GPC6: variants seen among roughly 807,000 people sequenced by gnomAD.
GPC6 encodes the protein glypican 6, also known as glypican-6.
GPC6 carries 14 observed loss-of-function variants against 55.2 expected under a neutral mutation model. The ratio of observed to expected loss-of-function variants is 0.25; its 90% CI spans 0.17 to 0.40. The LOEUF is 0.40. GPC6 is among the 10% of genes least tolerant of loss of function. GPC6 has a pLI of 1.00. For synonymous variants in GPC6, 278 were observed against 259.6 expected, an observed-to-expected ratio of 1.07 and a Z score of -0.68; for missense variants, 641 against 708.5, an observed-to-expected ratio of 0.90 and a Z score of 1.08.
intron 7 of GPC6, among the ~76,000 whole-genome samples, chr13:94,386,628 T>A (rs1880424420): frequency 6.6e-6 from 1 of 152,154 alleles, no homozygotes; most frequent in Admixed American, 6.5e-5. Flanking sequence ...AATAATTTTT[T>A]TAAAAAATCC....
chr13:93,777,797 G>A (rs1450012080), intron 2 of GPC6, among the ~76,000 whole-genome samples: 1 of 152,100 alleles, frequency 6.6e-6, no homozygotes, highest in Admixed American at 6.6e-5. Flanking sequence ...TATACATTAT[G>A]TCTACATCTG....
intron 3 of GPC6, among the ~76,000 whole-genome samples, chr13:93,891,095 T>A (rs913054903): frequency 2.0e-5 from 3 of 152,118 alleles, no homozygotes; most frequent in African/African-American, 7.2e-5. Context: ...TATTAACAAC[T>A]TTTTAAAAAA....
intron 6 of GPC6, among the ~76,000 whole-genome samples, chr13:94,350,844 G>C (rs1878503943): frequency 6.6e-6 from 1 of 152,144 alleles, no homozygotes; most frequent in Admixed American, 6.5e-5. Flanking sequence ...AGAGAGCACA[G>C]TGGGAATATC....
chr13:94,057,999 G>T (rs1294553696), intron 4 of GPC6, among the ~76,000 whole-genome samples: 1 of 152,102 alleles, frequency 6.6e-6, no homozygotes, highest in Non-Finnish European at 1.5e-5. Flanking sequence ...ACCCTGTAAG[G>T]GAAGTTTAAT....
chr13:93,284,045 G>A (rs1878034334), intron 1 of GPC6, among the ~76,000 whole-genome samples: 1 of 152,194 alleles, frequency 6.6e-6, no homozygotes, highest in South Asian at 2.1e-4. Flanking sequence ...TGTATTGAAT[G>A]TTGTTAGTTT....
intron 4 of GPC6, among the ~76,000 whole-genome samples, chr13:94,160,293 C>T (rs1888111850): frequency 6.6e-6 from 1 of 152,190 alleles, no homozygotes; most frequent in African/African-American, 2.4e-5. Context: ...TTGGTGCTCT[C>T]TGCAGTTTCA....
chr13:93,388,059 C>T (rs978809537), intron 1 of GPC6, among the ~76,000 whole-genome samples: 1 of 152,130 alleles, frequency 6.6e-6, no homozygotes, highest in African/African-American at 2.4e-5. Context: ...AATCCTGTAT[C>T]ACAACAGGTC....
intron 2 of GPC6, among the ~76,000 whole-genome samples, chr13:93,662,666 CTT>C (rs891876709): frequency 6.6e-6 from 1 of 151,598 alleles, no homozygotes; most frequent in African/African-American, 2.4e-5. Flanking sequence ...AAAAAAAAAA[CTT>C]CTACATTTCA....
At chr13:94,265,101 C>T (rs1891760533) in intron 4 of GPC6, among the ~76,000 whole-genome samples, 1 of 152,084 alleles carries the variant, frequency 6.6e-6, no homozygotes, top group African/African-American at 2.4e-5. Context: ...CAACTTGTTA[C>T]TTTAGGAAGA....
intron 4 of GPC6, among the ~76,000 whole-genome samples, chr13:94,245,972 T>C (rs1313174203): frequency 6.6e-6 from 1 of 152,096 alleles, no homozygotes; most frequent in Non-Finnish European, 1.5e-5. Context: ...CCAATCTACT[T>C]TCCCACTAAC....
intron 3 of GPC6, among the ~76,000 whole-genome samples, chr13:93,832,205 A>T (rs1163467785): frequency 7.0e-6 from 1 of 143,550 alleles, no homozygotes; most frequent in Admixed American, 7.1e-5. Context: ...AGCCCCAGAA[A>T]TGCATTTATA....
At chr13:93,770,905 G>A (rs1885268286) in intron 2 of GPC6, among the ~76,000 whole-genome samples, 1 of 151,780 alleles carries the variant, frequency 6.6e-6, no homozygotes, top group African/African-American at 2.4e-5. Context: ...TCATCCTTAG[G>A]ATGGTTCTCA....
intron 2 of GPC6, among the ~76,000 whole-genome samples, chr13:93,758,778 G>A (rs1884863461): frequency 6.6e-6 from 1 of 152,042 alleles, no homozygotes; most frequent in South Asian, 2.1e-4. Context: ...TCTCTGCAGT[G>A]CTAATGTTGA....
chr13:93,280,984 T>C (rs1877931438), intron 1 of GPC6, among the ~76,000 whole-genome samples: 1 of 152,182 alleles, frequency 6.6e-6, no homozygotes, highest in Admixed American at 6.5e-5. Context: ...CAGTTCCTAA[T>C]AGGCAACGGA....
At chr13:93,610,096 G>T (rs1594309043) in intron 2 of GPC6, among the ~76,000 whole-genome samples, 1 of 152,152 alleles carries the variant, frequency 6.6e-6, no homozygotes, top group South Asian at 2.1e-4. Context: ...AGCACTTCCT[G>T]GTTGAGCCAC....
intron 4 of GPC6, among the ~76,000 whole-genome samples, chr13:94,110,390 A>G (rs1186087787): frequency 6.6e-6 from 1 of 152,020 alleles, no homozygotes; most frequent in Non-Finnish European, 1.5e-5. Flanking sequence ...ATTTAGAAAA[A>G]CCTATCTGCC....
intron 2 of GPC6, among the ~76,000 whole-genome samples, chr13:93,750,679 T>C (rs966996884): frequency 2.6e-5 from 4 of 152,198 alleles, no homozygotes; most frequent in Non-Finnish European, 5.9e-5. Context: ...ATAATTGTGA[T>C]CAGAACTAGA....
intron 6 of GPC6, among the ~76,000 whole-genome samples, chr13:94,314,392 CT>C (rs1280846672): frequency 1.3e-5 from 2 of 152,220 alleles, no homozygotes; most frequent in Non-Finnish European, 2.9e-5. Flanking sequence ...TAAGCCAGAA[CT>C]TTCTGCCCAA....
intron 1 of GPC6, among the ~76,000 whole-genome samples, chr13:93,281,538 G>A (rs1594071142): frequency 1.3e-5 from 2 of 152,282 alleles, no homozygotes; most frequent in Admixed American, 1.3e-4. Flanking sequence ...GAATGGCTGG[G>A]CGCAGTGGCT....
Sources: gnomAD v4.1 joint callset for allele counts (sites outside exome capture counted in the v4.1 genomes callset) on GRCh38, gnomAD v4.1.1 for gene constraint, MANE v1.5 for transcripts, NCBI Gene and HGNC (gene_info 2026-07-23, HGNC 2026-07-21) for gene names.